The following MCEE variants were observed in gnomAD, a reference collection of about 807,000 sequenced individuals.
MCEE encodes methylmalonyl-CoA epimerase, mitochondrial.
A neutral mutation model predicts 12.9 loss-of-function variants in MCEE; 6 were observed. That is an observed-to-expected ratio of 0.47 (90% CI 0.26 to 0.92). The LOEUF (loss-of-function observed/expected upper bound fraction) is 0.92. MCEE is among the 40% of genes least tolerant of loss of function. The probability of loss-of-function intolerance (pLI) is 0.16; values close to 1 mark genes in which losing one functional copy is unlikely to be tolerated. For synonymous variants in MCEE, 78 were observed against 77.9 expected, an observed-to-expected ratio of 1.00 and a Z score of -0.01; for missense variants, 214 against 212.1, an observed-to-expected ratio of 1.01 and a Z score of -0.05.
At chr2:71,111,745 G>A (rs941450141) in intron 2 of MCEE, among the ~76,000 whole-genome samples, 9 of 152,008 alleles carry the variant, frequency 5.9e-5, no homozygotes, top group Non-Finnish European at 1.0e-4. Flanking sequence ...TCCTATCTCC[G>A]CAACTCAGGG....
At chr2:71,115,054 C>T (rs917337966) in intron 2 of MCEE, among the ~76,000 whole-genome samples, 3 of 152,148 alleles carry the variant, frequency 2.0e-5, no homozygotes, top group Non-Finnish European at 4.4e-5. Context: ...TAGTATACTC[C>T]TTCTTCAATA....
At chr2:71,125,355 C>A (rs1050648933) in intron 1 of MCEE, among the ~76,000 whole-genome samples, 1 of 151,378 alleles carries the variant, frequency 6.6e-6, no homozygotes, top group East Asian at 1.9e-4. Context: ...ATTACAGGCA[C>A]CTGCCACATG....
chr2:71,110,381 A>G (rs1439481845), intron 2 of MCEE, among the ~76,000 whole-genome samples: 2 of 152,234 alleles, frequency 1.3e-5, no homozygotes, highest in Non-Finnish European at 2.9e-5. Flanking sequence ...AATCTAAATC[A>G]TGTATGATAT....
chr2:71,129,527 T>C (rs1673321032), intron 1 of MCEE, among the ~76,000 whole-genome samples: 1 of 150,062 alleles, frequency 6.7e-6, no homozygotes, highest in Non-Finnish European at 1.5e-5. Context: ...GAGGAGAAAG[T>C]GAGTCAGAAA....
chr2:71,116,009 C>T (rs999916006), intron 2 of MCEE, among the ~76,000 whole-genome samples: 1 of 150,122 alleles, frequency 6.7e-6, no homozygotes, highest in Non-Finnish European at 1.5e-5. Context: ...CTTTTATAGT[C>T]CTTCAAACAA....
chr2:71,120,534 G>A (rs1422957913), intron 2 of MCEE, among the ~76,000 whole-genome samples: 1 of 150,272 alleles, frequency 6.7e-6, no homozygotes. Flanking sequence ...ACTCAACCTC[G>A]ACAGAAAAAT....
intron 2 of MCEE, among the ~76,000 whole-genome samples, chr2:71,120,080 G>A (rs1199094037): frequency 6.7e-6 from 1 of 149,770 alleles, no homozygotes; most frequent in Admixed American, 6.6e-5. Flanking sequence ...AGAGGGAGAA[G>A]GGTGTCTGAA....
chr2:71,128,140 G>T (rs1673278632), intron 1 of MCEE, among the ~76,000 whole-genome samples: 1 of 152,054 alleles, frequency 6.6e-6, no homozygotes, highest in Non-Finnish European at 1.5e-5. Flanking sequence ...TTACATTTCT[G>T]TTAGCCCATT....
rs10206251 is a variant in MCEE, at chr2:71,119,049, T to C, written c.378+5157A>G. ...TTCTCCCCATCAACAAAAATGACTCTTCTGCTCTGTCCTACCTGAAGTCTT... is the reference window on the plus strand; with the variant it reads ...TTCTCCCCATCAACAAAAATGACTCCTCTGCTCTGTCCTACCTGAAGTCTT... On this transcript the variant is annotated intron_variant, in intron 2 of 2. Coordinates refer to ENST00000244217, the MANE Select transcript of MCEE (RefSeq NM_032601.4). 2.3e-3 allele frequency among the ~76,000 whole-genome samples: 338 copies of C among 150,208 alleles called. 38 individuals carry two copies. The highest frequency in any genetic ancestry group is 7.4e-3 in the African/African-American group (295 of 39,632).
rs74555979 is a variant in MCEE at position 71,119,371 on chromosome 2, CA to C, written c.378+4834del. On this transcript the variant is annotated intron_variant, in intron 2 of 2. Coordinates refer to ENST00000244217, the MANE Select transcript of MCEE (RefSeq NM_032601.4). ...AATGGTGTCTAAACACATTTCAACA[CA>C]GACAAAGTACAATAAAAATACAGTG... Among the ~76,000 whole-genome samples, 5,471 of 150,338 alleles carry C rather than the reference CA, an allele frequency of 0.036. 654 individuals are homozygous for C. The East Asian group carries it at 0.43, about 12-fold the overall frequency.
intron 2 of MCEE, among the ~76,000 whole-genome samples, chr2:71,111,191 CAA>C (rs948487211): frequency 1.3e-5 from 2 of 152,056 alleles, no homozygotes; most frequent in African/African-American, 4.8e-5. Context: ...ATAGATATGT[CAA>C]AGTCACACGT....
intron 2 of MCEE, among the ~76,000 whole-genome samples, chr2:71,113,965 T>A (rs1672940908): frequency 6.6e-6 from 1 of 151,776 alleles, no homozygotes; most frequent in Admixed American, 6.6e-5. Flanking sequence ...ATAACATGAG[T>A]CTAATAAGAA....
intron 2 of MCEE, among the ~76,000 whole-genome samples, chr2:71,122,102 A>G (rs1470308447): frequency 6.6e-6 from 1 of 152,202 alleles, no homozygotes; most frequent in Non-Finnish European, 1.5e-5. Flanking sequence ...TACTTTGTAG[A>G]CATACTACTA....
chr2:71,129,036 C>A (rs975211809), intron 1 of MCEE, among the ~76,000 whole-genome samples: 50 of 151,568 alleles, frequency 3.3e-4, no homozygotes, highest in African/African-American at 1.2e-3. Context: ...ACCACACACA[C>A]ACACACACAA....
chr2:71,119,503 T>C (rs1673058829), intron 2 of MCEE, among the ~76,000 whole-genome samples: 1 of 149,874 alleles, frequency 6.7e-6, no homozygotes, highest in Non-Finnish European at 1.5e-5. Flanking sequence ...TCATCCCTTA[T>C]ATTTCCTCTT....
intron 2 of MCEE, among the ~76,000 whole-genome samples, chr2:71,112,436 T>TA (rs1672906902): frequency 7.8e-6 from 1 of 128,668 alleles, no homozygotes; most frequent in Non-Finnish European, 1.6e-5. Context: ...CACCTGCCTT[T>TA]TTTTTTTTTT....
At chr2:71,127,270 G>A (rs1191810831) in intron 1 of MCEE, among the ~76,000 whole-genome samples, 1 of 152,150 alleles carries the variant, frequency 6.6e-6, no homozygotes, top group Non-Finnish European at 1.5e-5. Context: ...CACTTTTAGT[G>A]TCCTGACTTA....
rs1039510944 is a variant in MCEE, at chr2:71,123,442, G to A, written c.378+764C>T. Among the ~76,000 whole-genome samples, 3 of 145,196 alleles carry A rather than the reference G, an allele frequency of 2.1e-5. No homozygotes were observed. The East Asian group carries it at 6.1e-4, about 29-fold the overall frequency. On this transcript the variant is annotated intron_variant, in intron 2 of 2. Coordinates refer to ENST00000244217, the MANE Select transcript of MCEE (RefSeq NM_032601.4). The stretch of plus-strand genomic sequence containing the variant: ...GGAGGCAGAGGTTGCAGTGAGCCGA[G>A]ATCACGCCACACTGCACTTCAGCCT...
chr2:71,127,714 C>A (rs1043717725), intron 1 of MCEE, among the ~76,000 whole-genome samples: 5 of 152,234 alleles, frequency 3.3e-5, no homozygotes, highest in African/African-American at 7.2e-5. Context: ...GCAACCTCTG[C>A]TTCCCAGGTT....
Sources: allele counts gnomAD v4.1 joint callset (sites outside exome capture counted in the v4.1 genomes callset), GRCh38; gene constraint gnomAD v4.1.1; transcripts MANE v1.5; gene names NCBI Gene and HGNC (gene_info 2026-07-23, HGNC 2026-07-21).